COL5A2: variants seen among roughly 807,000 people sequenced by gnomAD.
The protein encoded by COL5A2 is collagen type V alpha 2 chain, also known as collagen alpha-2(V) chain.
COL5A2 carries 23 observed loss-of-function variants against 208.2 expected under a neutral mutation model. The ratio of observed to expected loss-of-function variants is 0.11; its 90% CI spans 0.08 to 0.16. The LOEUF is 0.16. Ranked by LOEUF, COL5A2 falls within the 10% of genes least tolerant of loss-of-function variation. The probability of loss-of-function intolerance (pLI) is 1.00; values close to 1 mark genes in which losing one functional copy is unlikely to be tolerated. For missense variants in COL5A2, 1,590 were observed against 1,956.4 expected, an observed-to-expected ratio of 0.81 and a Z score of 3.53; for synonymous variants, 625 against 628.5, an observed-to-expected ratio of 0.99 and a Z score of 0.08.
At chr2:189,375,189 T>C in the COL5A2 span, among the ~76,000 whole-genome samples, 1 of 151,994 alleles carries the variant, frequency 6.6e-6, no homozygotes, top group Non-Finnish European at 1.5e-5. Context: ...GCTAATTTTT[T>C]TGTATTTTTA....
chr2:189,301,447 A>ATGTGTTT, the COL5A2 span, among the ~76,000 whole-genome samples: 2 of 152,126 alleles, frequency 1.3e-5, no homozygotes, highest in Non-Finnish European at 2.9e-5. Flanking sequence ...GAAGTTACCA[A>ATGTGTTT]ATTTGTATGT....
At chr2:189,096,589 T>A (rs568506775) in intron 6 of COL5A2, among the ~76,000 whole-genome samples, 1 of 131,370 alleles carries the variant, frequency 7.6e-6, no homozygotes, top group East Asian at 2.2e-4. Flanking sequence ...ACCACTGCAC[T>A]CCAGCCTGGG....
chr2:189,257,769 T>G, the COL5A2 span, among the ~76,000 whole-genome samples: 589 of 152,340 alleles, frequency 3.9e-3, 1 homozygote, highest in Non-Finnish European at 6.6e-3. Context: ...GGAGAAGTAT[T>G]TTATTTCAAC....
At position 189,085,978 on chromosome 2, in the gene COL5A2, T is replaced by C. The variant is rs148308230; in HGVS notation, c.691-206A>G. On this transcript the variant is annotated intron_variant, in intron 9 of 53. Coordinates refer to ENST00000374866, the MANE Select transcript of COL5A2 (RefSeq NM_000393.5). ...TATTGGTACTTACTTTATTAGGCTG[T>C]TATGGCTGCTGAAGTAATTAATGTA... 2.9e-4 allele frequency among the ~76,000 whole-genome samples: 44 copies of C among 152,310 alleles called. No individual in the cohort carries two copies. The East Asian group carries it at 8.3e-3, about 29-fold the overall frequency.
the COL5A2 span, among the ~76,000 whole-genome samples, chr2:189,419,932 G>T: frequency 6.9e-6 from 1 of 145,292 alleles, no homozygotes; most frequent in South Asian, 2.3e-4. Flanking sequence ...GAGAGGGGAG[G>T]AGAGGAAAGG....
the COL5A2 span, among the ~76,000 whole-genome samples, chr2:189,427,117 T>C: frequency 6.6e-6 from 1 of 152,198 alleles, no homozygotes. Flanking sequence ...CCCAGATGTC[T>C]AGGAGGGAAG....
At chr2:189,426,570 T>C in the COL5A2 span, among the ~76,000 whole-genome samples, 1 of 152,214 alleles carries the variant, frequency 6.6e-6, no homozygotes, top group African/African-American at 2.4e-5. Flanking sequence ...TCTAACCACC[T>C]TGGGCACATG....
chr2:189,068,134 T>C (rs992237738), intron 20 of COL5A2, 21 bp from the exon 21 acceptor site: 55 of 1,608,094 alleles, frequency 3.4e-5, no homozygotes, highest in Admixed American at 1.2e-4. Flanking sequence ...GCAAGAGTGA[T>C]GTGGTAAGTA....
At chr2:189,051,298 G>C (rs769391714) in intron 42 of COL5A2, 22 bp downstream of exon 42, 2 of 1,613,980 alleles carry the variant, frequency 1.2e-6, no homozygotes, top group Non-Finnish European at 1.7e-6. Flanking sequence ...AAGGTGGTCT[G>C]GAACGGATAC....
At chr2:189,047,065 C>T (rs1331935139) in intron 45 of COL5A2, among the ~76,000 whole-genome samples, 12 of 149,244 alleles carry the variant, frequency 8.0e-5, no homozygotes, top group African/African-American at 2.7e-4. Flanking sequence ...GAGGTTGCAG[C>T]GAGACGAGAT....
chr2:189,287,069 C>T, the COL5A2 span, among the ~76,000 whole-genome samples: 1 of 151,916 alleles, frequency 6.6e-6, no homozygotes, highest in African/African-American at 2.4e-5. Flanking sequence ...TAAGAAGTAT[C>T]AGTTGCATCC....
At chr2:189,378,362 C>T in the COL5A2 span, among the ~76,000 whole-genome samples, 2 of 152,092 alleles carry the variant, frequency 1.3e-5, no homozygotes, top group African/African-American at 4.8e-5. Context: ...TAAATTCTGA[C>T]TTTAAGTTCC....
At chr2:189,176,445 A>G (rs915552990) in intron 1 of COL5A2, among the ~76,000 whole-genome samples, 1 of 152,316 alleles carries the variant, frequency 6.6e-6, no homozygotes, top group African/African-American at 2.4e-5. Flanking sequence ...TGAGGTTTAC[A>G]GTATTTGGAA....
In COL5A2 at chr2:189,032,636, G is replaced by C. The variant is rs559091923; in HGVS notation, c.*1434C>G. The C allele has an allele frequency of 7.2e-5, 11 of 152,142 alleles. No individual in the cohort carries two copies. The highest frequency in any genetic ancestry group is 2.7e-4 in the African/African-American group (11 of 41,486). The allele number at this position is 152,142 out of a possible 1,614,324, so 9.4% of individuals were successfully genotyped here. A position where few individuals can be genotyped will look rare whatever the true frequency, so the allele number is the denominator to read the frequency against. ...ATTTTAAAAGAAAAAAATTAAAATAGAGCCAACAAATGCAATTAAGAAAAA... is the reference window on the plus strand; with the variant it reads ...ATTTTAAAAGAAAAAAATTAAAATACAGCCAACAAATGCAATTAAGAAAAA... On this transcript the variant is annotated 3_prime_UTR_variant, in exon 54 of 54. Coordinates refer to ENST00000374866, the MANE Select transcript of COL5A2 (RefSeq NM_000393.5).
chr2:189,281,811 C>T, the COL5A2 span, among the ~76,000 whole-genome samples: 5 of 152,130 alleles, frequency 3.3e-5, no homozygotes, highest in East Asian at 9.6e-4. Context: ...CTAATAAGTA[C>T]ATAAGGGCCA....
chr2:189,236,448 G>A, the COL5A2 span, among the ~76,000 whole-genome samples: 3 of 151,776 alleles, frequency 2.0e-5, no homozygotes, highest in East Asian at 5.8e-4. Context: ...TTGACAAATA[G>A]TTTTCCAAAG....
At chr2:189,078,616 A>G in intron 15 of COL5A2, 47 bp from the exon 16 acceptor site, 1 of 1,469,492 alleles carries the variant, frequency 6.8e-7, no homozygotes, top group Non-Finnish European at 9.5e-7. Flanking sequence ...CTAATTTGAA[A>G]TGTAGAGTAG....
chr2:189,304,373 A>G, the COL5A2 span, among the ~76,000 whole-genome samples: 28 of 152,308 alleles, frequency 1.8e-4, no homozygotes, highest in African/African-American at 6.5e-4. Context: ...CTGTTCTTGC[A>G]TTGCTATAAA....
At chr2:189,058,283 G>A in intron 33 of COL5A2, 146 bp downstream of exon 33, 1 of 738,168 alleles carries the variant, frequency 1.4e-6, no homozygotes, top group Non-Finnish European at 2.4e-6. Context: ...AGCCTAGTAA[G>A]CGCTCATTAA....
Sources: gnomAD v4.1 joint callset for allele counts (sites outside exome capture counted in the v4.1 genomes callset) on GRCh38, gnomAD v4.1.1 for gene constraint, MANE v1.5 for transcripts, NCBI Gene and HGNC (gene_info 2026-07-23, HGNC 2026-07-21) for gene names.